ARHGAP42: variants seen among roughly 807,000 people sequenced by gnomAD.
The protein encoded by ARHGAP42 is rho GTPase-activating protein 42.
ARHGAP42 carries 63 observed loss-of-function variants against 125.0 expected under a neutral mutation model. The observed-to-expected ratio is 0.50, with a 90% CI of 0.41 to 0.62. ARHGAP42 has a LOEUF of 0.62. ARHGAP42 is among the 20% of genes least tolerant of loss of function. ARHGAP42 has a pLI of 0.00. For missense variants in ARHGAP42, 766 were observed against 1,024.2 expected, an observed-to-expected ratio of 0.75 and a Z score of 3.44; for synonymous variants, 339 against 351.0, an observed-to-expected ratio of 0.97 and a Z score of 0.38.
At chr11:100,834,005 A>G (rs1354434307) in intron 3 of ARHGAP42, among the ~76,000 whole-genome samples, 1 of 152,236 alleles carries the variant, frequency 6.6e-6, no homozygotes, top group Admixed American at 6.5e-5. Flanking sequence ...TTTGGAAAAT[A>G]AAATGTCATC....
chr11:100,714,863 T>A (rs1026877321), intron 1 of ARHGAP42, among the ~76,000 whole-genome samples: 1 of 151,814 alleles, frequency 6.6e-6, no homozygotes, highest in Non-Finnish European at 1.5e-5. Flanking sequence ...CTGGGCAGCA[T>A]GGCGAAACCC....
chr11:100,965,289 C>G (rs1858062991), intron 16 of ARHGAP42, among the ~76,000 whole-genome samples: 2 of 152,120 alleles, frequency 1.3e-5, no homozygotes, highest in African/African-American at 4.8e-5. Flanking sequence ...AATACGTACT[C>G]TAATGACTGG....
chr11:100,901,850 C>A (rs1866561055), intron 4 of ARHGAP42, among the ~76,000 whole-genome samples: 1 of 152,150 alleles, frequency 6.6e-6, no homozygotes, highest in Admixed American at 6.5e-5. Context: ...AAGGGAAATC[C>A]CCTGGCCCCT....
intron 4 of ARHGAP42, among the ~76,000 whole-genome samples, chr11:100,903,712 ATATATATATATATATATATAT>A (rs1866632328): frequency 6.0e-5 from 2 of 33,426 alleles, no homozygotes; most frequent in African/African-American, 1.5e-4. Context: ...CCCTCAAAAT[ATATATATATATATATATATAT>A]ATATATATAT....
At position 100,988,573 on chromosome 11, in the gene ARHGAP42, G is replaced by C. The variant is rs1358300833; in HGVS notation, c.2537-140G>C. The C allele has an allele frequency of 2.3e-5, 14 of 600,872 alleles. No individual in the cohort carries two copies. In the African/African-American group the frequency reaches 2.4e-4, roughly 10 times the overall value. The allele number at this position is 600,872 out of a possible 1,614,324, so 37.2% of individuals were successfully genotyped here. ...AGGGACATGAGCATGCACAGTTTCT[G>C]GTATCCACAAGGGGTCCTGGAACTA... On this transcript the variant is annotated intron_variant, in intron 23 of 23. Coordinates refer to ENST00000298815, the MANE Select transcript of ARHGAP42 (RefSeq NM_152432.4).
chr11:100,918,339 T>C (rs942956110), intron 5 of ARHGAP42, among the ~76,000 whole-genome samples: 1 of 152,184 alleles, frequency 6.6e-6, no homozygotes, highest in Non-Finnish European at 1.5e-5. Flanking sequence ...AAATATCACC[T>C]GATGCCTTTC....
At chr11:100,732,247 G>A (rs570847100) in intron 1 of ARHGAP42, among the ~76,000 whole-genome samples, 3 of 152,254 alleles carry the variant, frequency 2.0e-5, no homozygotes, top group Admixed American at 6.5e-5. Flanking sequence ...GTGAGCCGCC[G>A]TGCCTGGCCT....
At chr11:100,904,839 C>T (rs1477819697) in intron 4 of ARHGAP42, among the ~76,000 whole-genome samples, 2 of 152,150 alleles carry the variant, frequency 1.3e-5, no homozygotes, top group African/African-American at 4.8e-5. Context: ...TTTTCATGCT[C>T]ATAAAATGAG....
intron 22 of ARHGAP42, among the ~76,000 whole-genome samples, chr11:100,985,618 T>A (rs1316414693): frequency 6.6e-6 from 1 of 152,206 alleles, no homozygotes; most frequent in African/African-American, 2.4e-5. Context: ...CTTCTCTGAG[T>A]GCCTCTACTT....
intron 1 of ARHGAP42, among the ~76,000 whole-genome samples, chr11:100,743,695 A>G (rs550753076): frequency 3.3e-5 from 5 of 152,322 alleles, no homozygotes; most frequent in Admixed American, 2.0e-4. Flanking sequence ...TCCCTCAGGA[A>G]CACCAGTTTT....
chr11:100,961,754 GA>G lies in ARHGAP42; in HGVS notation c.1376del (p.Asn459ThrfsTer10). On this transcript the variant is annotated frameshift_variant, in exon 15 of 24. Transcript: ENST00000298815. LOFTEE classifies it high-confidence loss of function. ...WDNKTITSGL[K>X]NYLRCLAEPL... ...ACAATAAGACGATAACAAGTGGGCTGAAAAACTACCTCAGGTGAGGAGGGTT... is the reference window on the plus strand; with the variant it reads ...ACAATAAGACGATAACAAGTGGGCTGAAAACTACCTCAGGTGAGGAGGGTT... 6.4e-7 allele frequency: 1 copy of G among 1,551,574 alleles called. No individual in the cohort carries two copies. Among genetic ancestry groups the G allele is most frequent in the Non-Finnish European group, 8.7e-7 (1 of 1,146,738 alleles).
rs757058820 is a variant in ARHGAP42, at chr11:100,795,138, T to C, written c.284T>C (p.Ile95Thr). Reference protein sequence around the residue: ...QSLKEFARLLIAVEEERRRLI... With the variant: ...QSLKEFARLLTAVEEERRRLI... ...CTAAAAGAATTTGCAAGACTACTCA[T>C]TGCAGTAGAAGAAGAAAGGCGAAGA... The change falls in exon 3 of 24, where the codon ATT (isoleucine) becomes ACT (threonine). Residue 95 changes from isoleucine (I) to threonine (T), a missense_variant. Around this residue, in one of 3 missense-constraint regions of ARHGAP42, gnomAD observed 455 missense variants for 636.5 expected, o/e 0.71. Coordinates refer to ENST00000298815, the MANE Select transcript of ARHGAP42 (RefSeq NM_152432.4). 1.8e-5 allele frequency: 28 copies of C among 1,545,842 alleles called. No individual in the cohort carries two copies. The Middle Eastern group carries it at 5.0e-4, about 28-fold the overall frequency.
chr11:100,801,140 AT>A (rs1362134417), intron 3 of ARHGAP42, among the ~76,000 whole-genome samples: 2 of 152,062 alleles, frequency 1.3e-5, no homozygotes, highest in African/African-American at 2.4e-5. Flanking sequence ...GACATTCCGG[AT>A]TTTAGATTTT....
rs527597019 is a variant in ARHGAP42, at chr11:100,729,206, TA to T, written c.155-41136del. ...ACAGATATGTATTTGTTTATTTAAT[TA>T]GTATGATGGCCAAAGGATGTCACTT... On this transcript the variant is annotated intron_variant, in intron 1 of 23. Coordinates refer to ENST00000298815, the MANE Select transcript of ARHGAP42 (RefSeq NM_152432.4). Among the ~76,000 whole-genome samples the T allele has an allele frequency of 8.1e-3, 1,226 of 152,278 alleles. 16 individuals are homozygous for T. Among genetic ancestry groups the T allele is most frequent in the African/African-American group, 0.028 (1,157 of 41,564 alleles).
chr11:100,854,712 A>C (rs1230563252), intron 3 of ARHGAP42, among the ~76,000 whole-genome samples: 4 of 152,084 alleles, frequency 2.6e-5, no homozygotes, highest in Non-Finnish European at 2.9e-5. Context: ...TAGAGAGTTA[A>C]ATTGGCCAGT....
intron 4 of ARHGAP42, among the ~76,000 whole-genome samples, chr11:100,878,854 A>G (rs1469386851): frequency 6.6e-6 from 1 of 152,070 alleles, no homozygotes; most frequent in Non-Finnish European, 1.5e-5. Flanking sequence ...CTTAAAACAC[A>G]AGGAAACAAG....
At chr11:100,898,828 A>C (rs897506714) in intron 4 of ARHGAP42, among the ~76,000 whole-genome samples, 1 of 151,362 alleles carries the variant, frequency 6.6e-6, no homozygotes, top group Admixed American at 6.6e-5. Flanking sequence ...AGGGTTTTTC[A>C]TGTCTCCATC....
intron 4 of ARHGAP42, among the ~76,000 whole-genome samples, chr11:100,907,807 A>G (rs975408948): frequency 1.3e-5 from 2 of 152,152 alleles, no homozygotes; most frequent in African/African-American, 4.8e-5. Flanking sequence ...AGTTGGGGCT[A>G]TCTCTAATCC....
chr11:100,895,310 C>A (rs1866324039), intron 4 of ARHGAP42, among the ~76,000 whole-genome samples: 1 of 152,094 alleles, frequency 6.6e-6, no homozygotes, highest in Non-Finnish European at 1.5e-5. Context: ...GATTTCCCAA[C>A]CTCAGCACTA....
Sources: allele counts gnomAD v4.1 joint callset (sites outside exome capture counted in the v4.1 genomes callset), GRCh38; gene constraint gnomAD v4.1.1; regional missense constraint gnomAD v4.1.1; transcripts MANE v1.5; gene names NCBI Gene and HGNC (gene_info 2026-07-23, HGNC 2026-07-21).